The following CACHD1 variants were observed in gnomAD, a reference collection of about 807,000 sequenced individuals.
CACHD1 encodes cache domain containing 1, also known as VWFA and cache domain-containing protein 1.
CACHD1 carries 71 observed loss-of-function variants against 138.7 expected under a neutral mutation model. The observed-to-expected ratio is 0.51, with a 90% CI of 0.42 to 0.62. The LOEUF is 0.62. CACHD1 is among the 20% of genes least tolerant of loss of function. The pLI, the probability that CACHD1 is intolerant of heterozygous loss-of-function variation, is 0.00. For synonymous variants in CACHD1, 578 were observed against 591.5 expected (o/e 0.98, Z 0.33); for missense variants, 1,389 against 1,625.3 (o/e 0.85, Z 2.50).
chr1:64,679,525 T>G, intron 23 of CACHD1, 70 bp from the exon 24 acceptor site: 11 of 1,558,938 alleles, frequency 7.1e-6, no homozygotes, highest in Non-Finnish European at 9.7e-6. Context: ...CCCTCCCATC[T>G]CACCATCCTT....
At chr1:64,618,414 A>G (rs951091655) in intron 4 of CACHD1, among the ~76,000 whole-genome samples, 2 of 151,874 alleles carry the variant, frequency 1.3e-5, no homozygotes, top group Non-Finnish European at 2.9e-5. Flanking sequence ...ACTTCCTTCC[A>G]TTTTCCATAA....
At chr1:64,649,840 T>C (rs1191656037) in intron 9 of CACHD1, among the ~76,000 whole-genome samples, 1 of 152,210 alleles carries the variant, frequency 6.6e-6, no homozygotes, top group Non-Finnish European at 1.5e-5. Flanking sequence ...TCCTGTGCAG[T>C]GGATTTCAGT....
At chr1:64,475,171 C>CTTTTTTTT (rs3078373) in intron 1 of CACHD1, among the ~76,000 whole-genome samples, 14 of 124,284 alleles carry the variant, frequency 1.1e-4, no homozygotes, top group South Asian at 2.7e-4. Flanking sequence ...AAATTCCTTC[C>CTTTTTTTT]TTTTTTTTTT....
intron 1 of CACHD1, among the ~76,000 whole-genome samples, chr1:64,508,332 T>G (rs1454272155): frequency 1.3e-5 from 2 of 152,208 alleles, no homozygotes; most frequent in African/African-American, 4.8e-5. Context: ...AGGAATTACA[T>G]GAGAATGCCT....
intron 7 of CACHD1, among the ~76,000 whole-genome samples, chr1:64,637,949 C>T (rs1162823505): frequency 6.6e-6 from 1 of 152,122 alleles, no homozygotes; most frequent in East Asian, 1.9e-4. Context: ...GTGGATTTGT[C>T]TATATTGTTT....
rs758465738 is a variant in CACHD1, at chr1:64,647,894, C to T, written c.1250C>T (p.Pro417Leu). ...KYGVPDRMAL[P>L]VIKGSMMVLN... Reference sequence around the variant, plus strand: ...GGTGTGCCAGACCGGATGGCCTTGCCTGTGATTAAGGGCAGCATGATGGTG... The same window carrying T: ...GGTGTGCCAGACCGGATGGCCTTGCTTGTGATTAAGGGCAGCATGATGGTG... The change falls in exon 9 of 27, where the codon CCT becomes CTT. Residue 417 changes from proline to leucine, a missense_variant. Around this residue, in one of 5 missense-constraint regions of CACHD1, gnomAD observed 1,000 missense variants for 1,114.7 expected, o/e 0.90. Transcript: ENST00000651257. 7 of 1,614,034 alleles carry T rather than the reference C, an allele frequency of 4.3e-6. No homozygotes were observed. The highest frequency in any genetic ancestry group is 5.9e-6 in the Non-Finnish European group (7 of 1,180,004).
intron 1 of CACHD1, among the ~76,000 whole-genome samples, chr1:64,526,945 G>A (rs1646543990): frequency 6.6e-6 from 1 of 152,172 alleles, no homozygotes; most frequent in Non-Finnish European, 1.5e-5. Flanking sequence ...TAGCCAGAGG[G>A]TCATGAAAGA....
chr1:64,473,582 GA>G (rs1286933203), intron 1 of CACHD1, among the ~76,000 whole-genome samples: 2 of 152,072 alleles, frequency 1.3e-5, no homozygotes, highest in Admixed American at 6.6e-5. Context: ...TGGGGGTGGA[GA>G]GGGGGATAGT....
Position 64,691,651 on chromosome 1 carries a change from G to A in CACHD1, c.*90G>A. The A allele has an allele frequency of 8.7e-7, 1 of 1,154,756 alleles. No homozygotes were observed. The highest frequency in any genetic ancestry group is 1.3e-6 in the Non-Finnish European group (1 of 790,410). 71.5% of individuals were successfully genotyped at this position (1,154,756 alleles called of 1,614,324 possible). On this transcript the variant is annotated 3_prime_UTR_variant, in exon 27 of 27. Transcript: ENST00000651257. ...AACCGGCTTAAAACCCACAGCAAGA[G>A]ACCTCCCTTGTGTTTGTGCTTTGTG...
In CACHD1 at chr1:64,663,801, C is replaced by G; in HGVS notation, c.2058C>G (p.Ser686Arg). ...RMVEHYTAYL[S>R]DNTRLIANPG... ...TAGAGCACTACACCGCCTATCTCAG[C>G]GACAACACCCGCCTCATTGCTAACC... The change falls in exon 14 of 27, where the codon AGC becomes AGG. Residue 686 changes from serine to arginine, a missense_variant. Ser to Arg is a moderately radical substitution (Grantham distance 110). Around this residue, in one of 5 missense-constraint regions of CACHD1, gnomAD observed 1,000 missense variants for 1,114.7 expected, o/e 0.90. Coordinates refer to ENST00000651257, the MANE Select transcript of CACHD1 (RefSeq NM_020925.4). 1 of 1,614,100 alleles carries G rather than the reference C, an allele frequency of 6.2e-7. No individual in the cohort carries two copies. The highest frequency in any genetic ancestry group is 1.3e-5 in the African/African-American group (1 of 75,028).
At chr1:64,542,526 C>T (rs907855264) in intron 1 of CACHD1, among the ~76,000 whole-genome samples, 1 of 151,984 alleles carries the variant, frequency 6.6e-6, no homozygotes, top group African/African-American at 2.4e-5. Context: ...CTAGTTGTAA[C>T]TTTGGATGTA....
chr1:64,650,099 A>G (rs920648835), intron 9 of CACHD1, among the ~76,000 whole-genome samples: 4 of 152,234 alleles, frequency 2.6e-5, no homozygotes. Flanking sequence ...AGAGTGATTG[A>G]GGATTTTGTC....
Position 64,685,321 on chromosome 1 carries a change from A to G in CACHD1, c.3586+3215A>G, listed in dbSNP as rs112161205. ...GCCGAGGTGTGTAGTAGGCTGTATC[A>G]TCTAGGTTTGTGAAAGTACACTCTG... On this transcript the variant is annotated intron_variant, in intron 26 of 26. Coordinates refer to ENST00000651257, the MANE Select transcript of CACHD1 (RefSeq NM_020925.4). 2.9e-3 allele frequency among the ~76,000 whole-genome samples: 441 copies of G among 152,324 alleles called. 7 individuals carry two copies. The highest frequency in any genetic ancestry group is 0.01 in the African/African-American group (423 of 41,570).
chr1:64,555,534 C>G (rs967559039), intron 2 of CACHD1, among the ~76,000 whole-genome samples: 1 of 152,112 alleles, frequency 6.6e-6, no homozygotes, highest in Non-Finnish European at 1.5e-5. Context: ...ATTCTTCTGC[C>G]CTTAGCCTCC....
At chr1:64,575,431 T>G (rs528681383) in intron 2 of CACHD1, among the ~76,000 whole-genome samples, 27 of 152,364 alleles carry the variant, frequency 1.8e-4, no homozygotes, top group African/African-American at 6.3e-4. Flanking sequence ...GGTTCAGAGA[T>G]GTTAAATATT....
At chr1:64,649,418 C>T (rs1649017436) in intron 9 of CACHD1, among the ~76,000 whole-genome samples, 1 of 152,072 alleles carries the variant, frequency 6.6e-6, no homozygotes, top group Non-Finnish European at 1.5e-5. Context: ...GAAACTCCCA[C>T]TTTTAGATAA....
At chr1:64,496,764 G>T (rs573423251) in intron 1 of CACHD1, among the ~76,000 whole-genome samples, 52 of 151,744 alleles carry the variant, frequency 3.4e-4, no homozygotes, top group Non-Finnish European at 5.6e-4. Flanking sequence ...GTCAATTTAT[G>T]GGTCAATGAA....
intron 1 of CACHD1, among the ~76,000 whole-genome samples, chr1:64,535,222 T>C (rs1646622008): frequency 1.3e-5 from 2 of 152,156 alleles, no homozygotes; most frequent in Admixed American, 6.5e-5. Flanking sequence ...GTAGTAGATA[T>C]TGCTTTTCTT....
intron 1 of CACHD1, among the ~76,000 whole-genome samples, chr1:64,498,304 G>A (rs535165866): frequency 1.6e-4 from 24 of 152,264 alleles, no homozygotes; most frequent in Middle Eastern, 3.4e-3. Flanking sequence ...AATACAGTGC[G>A]TGCTCCAGCA....
Sources: gnomAD v4.1 joint callset for allele counts (sites outside exome capture counted in the v4.1 genomes callset) on GRCh38, gnomAD v4.1.1 for gene constraint, gnomAD v4.1.1 regional missense constraint, MANE v1.5 for transcripts, NCBI Gene and HGNC (gene_info 2026-07-23, HGNC 2026-07-21) for gene names.